Variants in UTP25 observed in about 807,000 individuals in gnomAD.
The protein encoded by UTP25 is UTP25 small subunit processome component.
In UTP25, 50 loss-of-function variants were observed where a neutral mutation model predicts 78.9. That is an observed-to-expected ratio of 0.63 (90% CI 0.50 to 0.80). The LOEUF is 0.80. UTP25 is among the 30% of genes least tolerant of loss of function. The pLI is 0.00. For synonymous variants in UTP25, 329 were observed against 336.5 expected (o/e 0.98, Z 0.24); for missense variants, 846 against 911.3 (o/e 0.93, Z 0.92).
At position 209,836,919 on chromosome 1, in the gene UTP25, G is replaced by A; in HGVS notation, c.770G>A (p.Trp257Ter). The A allele has an allele frequency of 1.2e-6, 2 of 1,614,016 alleles. No homozygotes were observed. Among genetic ancestry groups the A allele is most frequent in the East Asian group, 4.5e-5 (2 of 44,882 alleles). ...CTCCAGAAGCCTCTGGAATCCACCT[G>A]GACTAAGACCAACAGCCAGTTCCTA... Reference protein sequence around the residue: ...LHLQKPLESTWTKTNSQFLSG... With the variant: ...LHLQKPLEST The change falls in exon 6 of 12, where the codon TGG (tryptophan) becomes TAG (stop). Residue 257 changes from tryptophan to a stop codon, truncating the protein, a stop_gained. Coordinates refer to ENST00000491415, the MANE Select transcript of UTP25 (RefSeq NM_014388.7). LOFTEE classifies it high-confidence loss of function.
chr1:209,828,244 T>C (rs1422845618), intron 1 of UTP25, 74 bp downstream of exon 1: 4 of 1,111,638 alleles, frequency 3.6e-6, no homozygotes, highest in Admixed American at 1.9e-5. Flanking sequence ...GTCTCCCAGA[T>C]AGTGCTGCTC....
At chr1:209,846,265 T>A (rs1225467115) in intron 11 of UTP25, among the ~76,000 whole-genome samples, 1 of 152,234 alleles carries the variant, frequency 6.6e-6, no homozygotes, top group Non-Finnish European at 1.5e-5. Flanking sequence ...TTAGCAAAAA[T>A]TTTTTAACCT....
In UTP25 at chr1:209,855,103, G is replaced by A. The variant is rs1161801517; in HGVS notation, c.*3656G>A. On this transcript the variant is annotated 3_prime_UTR_variant, in exon 12 of 12. Transcript: ENST00000491415. ...ATAATCCAAAATTGATGTAAGCATTGGAAGGGGAAAGAGGGAACGCTTCTT... is the reference window on the plus strand; with the variant it reads ...ATAATCCAAAATTGATGTAAGCATTAGAAGGGGAAAGAGGGAACGCTTCTT... The A allele has an allele frequency of 6.6e-6, 1 of 152,156 alleles. No individual in the cohort carries two copies. Among genetic ancestry groups the A allele is most frequent in the Admixed American group, 6.5e-5 (1 of 15,280 alleles). 9.4% of individuals were successfully genotyped at this position (152,156 alleles called of 1,614,324 possible).
rs780186975 is a variant in UTP25, at chr1:209,835,154, C to G, written c.642C>G (p.His214Gln). 1 of 1,613,208 alleles carries G rather than the reference C, an allele frequency of 6.2e-7. No homozygotes were observed. The change falls in exon 5 of 12, where the codon CAC becomes CAG. Residue 214 changes from histidine to glutamine, a missense_variant. Transcript: ENST00000491415. ...QAVATNPKTT[H>Q]ELKWPILGQL... is the part of the protein sequence containing the mutation. ...TTGCCACAAATCCCAAAACTACCCA[C>G]GAGCTTAAAGTAAGTGTTGCTTGGT...
intron 6 of UTP25, 50 bp from the exon 7 acceptor site, chr1:209,838,859 T>C: frequency 3.1e-6 from 5 of 1,592,506 alleles, no homozygotes; most frequent in Non-Finnish European, 4.3e-6. Flanking sequence ...CACCTCAAGA[T>C]CCTGTTCCTT....
chr1:209,851,309 AGAG>A lies in UTP25; in HGVS notation c.2135_2137del (p.Glu712del). 1 of 1,614,224 alleles carries A rather than the reference AGAG, an allele frequency of 6.2e-7. No individual in the cohort carries two copies. The highest frequency in any genetic ancestry group is 8.5e-7 in the Non-Finnish European group (1 of 1,180,028). On this transcript the variant is annotated inframe_deletion, in exon 12 of 12. Coordinates refer to ENST00000491415, the MANE Select transcript of UTP25 (RefSeq NM_014388.7). Reference sequence around the variant, plus strand: ...TGCTGAGAGCCACCAACAGAGGAGAAGAGGCCACGTGGACCTGCACTGTTCTCT... The same window carrying A: ...TGCTGAGAGCCACCAACAGAGGAGAAGCCACGTGGACCTGCACTGTTCTCT...
chr1:209,847,220 C>T (rs1465051989), intron 11 of UTP25, among the ~76,000 whole-genome samples: 1 of 152,144 alleles, frequency 6.6e-6, no homozygotes, highest in Middle Eastern at 3.2e-3. Context: ...AGCTCTACGA[C>T]ATCCTCTCTT....
chr1:209,841,083 G>A (rs768033561), intron 8 of UTP25, 28 bp downstream of exon 8: 35 of 1,611,794 alleles, frequency 2.2e-5, no homozygotes, highest in Non-Finnish European at 2.8e-5. Context: ...CATTCAGTGG[G>A]ACAGTATTCA....
At chr1:209,848,613 A>T (rs2078211201) in intron 11 of UTP25, among the ~76,000 whole-genome samples, 1 of 152,226 alleles carries the variant, frequency 6.6e-6, no homozygotes, top group African/African-American at 2.4e-5. Flanking sequence ...ACAGTTAAAA[A>T]TGTGTCATGC....
intron 6 of UTP25, 143 bp downstream of exon 6, chr1:209,837,354 G>A (rs1260163968): frequency 2.1e-6 from 2 of 972,838 alleles, no homozygotes; most frequent in Non-Finnish European, 3.0e-6. Context: ...TATTAAGTAG[G>A]CCAGGTAGTG....
At chr1:209,835,260 A>G in intron 5 of UTP25, 97 bp downstream of exon 5, 3 of 1,004,276 alleles carry the variant, frequency 3.0e-6, no homozygotes, top group East Asian at 2.5e-5. Context: ...TATGATATAC[A>G]CCTGCAGTAG....
intron 3 of UTP25, among the ~76,000 whole-genome samples, chr1:209,831,598 T>A (rs1479592093): frequency 1.3e-5 from 2 of 152,224 alleles, no homozygotes; most frequent in Non-Finnish European, 2.9e-5. Flanking sequence ...ATCATTTACA[T>A]ACAGTAAAAC....
intron 4 of UTP25, among the ~76,000 whole-genome samples, 195 bp from the exon 5 acceptor site, chr1:209,834,880 T>C (rs1220874127): frequency 6.6e-6 from 1 of 152,108 alleles, no homozygotes; most frequent in Non-Finnish European, 1.5e-5. Context: ...TGGGAAGTAA[T>C]ATAATTAGAG....
At chr1:209,832,926 C>T (rs1299013904) in intron 3 of UTP25, among the ~76,000 whole-genome samples, 3 of 152,216 alleles carry the variant, frequency 2.0e-5, no homozygotes, top group South Asian at 2.1e-4. Flanking sequence ...AAAATACCCT[C>T]GCAGAAACAT....
At position 209,848,704 on chromosome 1, in the gene UTP25, C is replaced by G. The variant is rs529621145; in HGVS notation, c.2028-2500C>G. 2.6e-3 allele frequency among the ~76,000 whole-genome samples: 396 copies of G among 152,284 alleles called. 2 individuals carry two copies. Among genetic ancestry groups the G allele is most frequent in the African/African-American group, 9.1e-3 (379 of 41,554 alleles). On this transcript the variant is annotated intron_variant, in intron 11 of 11. Transcript: ENST00000491415. Reference sequence around the variant, plus strand: ...ACAAAGTAATTTATGCTCCATTCACCTATTTCTCCAAAGCTCCATAGACTG... The same window carrying G: ...ACAAAGTAATTTATGCTCCATTCACGTATTTCTCCAAAGCTCCATAGACTG...
At chr1:209,836,183 G>A (rs2078132009) in intron 5 of UTP25, among the ~76,000 whole-genome samples, 1 of 151,618 alleles carries the variant, frequency 6.6e-6, no homozygotes, top group Non-Finnish European at 1.5e-5. Context: ...ATGATTCCCT[G>A]GAGAGTCATC....
intron 9 of UTP25, 64 bp from the exon 10 acceptor site, chr1:209,842,519 G>A: frequency 6.2e-7 from 1 of 1,611,168 alleles, no homozygotes; most frequent in East Asian, 2.2e-5. Context: ...GGTAGAAGGA[G>A]GCGATAGCTT....
chr1:209,835,324 A>C (rs1364717614), intron 5 of UTP25, among the ~76,000 whole-genome samples, 161 bp downstream of exon 5: 2 of 152,182 alleles, frequency 1.3e-5, no homozygotes, highest in Admixed American at 6.5e-5. Flanking sequence ...CTAGTGGGGC[A>C]CAGTTGTAGC....
chr1:209,851,569 G>A lies in UTP25; in HGVS notation c.*122G>A. On this transcript the variant is annotated 3_prime_UTR_variant, in exon 12 of 12. Coordinates refer to ENST00000491415, the MANE Select transcript of UTP25 (RefSeq NM_014388.7). ...ATACAAAGAAAGTGCATGAGGCAAT[G>A]TCAGTATTATCTGACATCTTTCTTT... The A allele has an allele frequency of 7.8e-7, 1 of 1,278,018 alleles. No homozygotes were observed. Among genetic ancestry groups the A allele is most frequent in the Non-Finnish European group, 1.1e-6 (1 of 943,224 alleles). 79.2% of individuals were successfully genotyped at this position (1,278,018 alleles called of 1,614,324 possible).
Sources: allele counts gnomAD v4.1 joint callset (sites outside exome capture counted in the v4.1 genomes callset), GRCh38; gene constraint gnomAD v4.1.1; transcripts MANE v1.5; gene names NCBI Gene and HGNC (gene_info 2026-07-23, HGNC 2026-07-21).